Variants in TCF4 observed in about 807,000 individuals in gnomAD.
TCF4 encodes the protein SL3-3 enhancer factor 2.
TCF4 carries 3 observed loss-of-function variants against 82.1 expected under a neutral mutation model. The ratio of observed to expected loss-of-function variants is 0.04; its 90% confidence interval spans 0.02 to 0.09. The LOEUF (loss-of-function observed/expected upper bound fraction) is 0.09. TCF4 is among the 10% of genes least tolerant of loss of function. TCF4 has a pLI of 1.00. For synonymous variants in TCF4, 276 were observed against 309.6 expected, an observed-to-expected ratio of 0.89 and a Z score of 1.14; for missense variants, 518 against 852.7, an observed-to-expected ratio of 0.61 and a Z score of 4.89.
intron 3 of TCF4, among the ~76,000 whole-genome samples, chr18:55,481,542 A>T (rs993806967): frequency 6.6e-6 from 1 of 152,238 alleles, no homozygotes; most frequent in Non-Finnish European, 1.5e-5. Context: ...GATGCTTACA[A>T]AAGTGAAGAA....
intron 3 of TCF4, among the ~76,000 whole-genome samples, chr18:55,541,084 G>A (rs914929657): frequency 3.3e-5 from 5 of 151,924 alleles, no homozygotes; most frequent in African/African-American, 9.7e-5. Context: ...TACCATGTAC[G>A]TAATAATGAC....
chr18:55,621,519 T>TATAATGTACATTATATA (rs1568500358), intron 2 of TCF4, among the ~76,000 whole-genome samples: 120 of 458 alleles, frequency 0.26, 12 homozygotes, highest in African/African-American at 0.36. Flanking sequence ...ATATATTATA[T>TATAATGTACATTATATA]AATATTATAT....
At chr18:55,275,898 A>G in intron 9 of TCF4, 146 bp from the exon 10 acceptor site, 5 of 1,020,168 alleles carry the variant, frequency 4.9e-6, no homozygotes, top group Non-Finnish European at 7.5e-6. Flanking sequence ...GACAGTCATC[A>G]TTTCTTCCCA....
chr18:55,370,119 C>T (rs1304289291), intron 6 of TCF4, among the ~76,000 whole-genome samples: 11 of 152,164 alleles, frequency 7.2e-5, no homozygotes, highest in Admixed American at 6.5e-4. Flanking sequence ...AAGAGAAGGC[C>T]GGGCGCAATG....
At chr18:55,508,684 C>A (rs2096791542) in intron 3 of TCF4, among the ~76,000 whole-genome samples, 1 of 152,108 alleles carries the variant, frequency 6.6e-6, no homozygotes, top group African/African-American at 2.4e-5. Flanking sequence ...TGCTTTCCAG[C>A]CCACCCTTCC....
chr18:55,460,089 A>G (rs1211135212), intron 5 of TCF4, among the ~76,000 whole-genome samples: 5 of 152,176 alleles, frequency 3.3e-5, no homozygotes, highest in African/African-American at 9.6e-5. Flanking sequence ...ATTTGCAGTT[A>G]TGGTCTCAGA....
chr18:55,403,793 G>T lies in TCF4; in HGVS notation c.305-275C>A, dbSNP rs761880885. On this transcript the variant is annotated intron_variant, in intron 5 of 19. Transcript: ENST00000354452. ...CTCCACTTTCTCTAACAAACAAATCGTAACTCCTTATTTTCACTTTCTCTT... is the reference window on the plus strand; with the variant it reads ...CTCCACTTTCTCTAACAAACAAATCTTAACTCCTTATTTTCACTTTCTCTT... 4 of 1,513,988 alleles carry T rather than the reference G, an allele frequency of 2.6e-6. No homozygotes were observed. The African/African-American group carries it at 4.2e-5, about 16-fold the overall frequency. 93.8% of individuals were successfully genotyped at this position (1,513,988 alleles called of 1,614,324 possible).
intron 2 of TCF4, among the ~76,000 whole-genome samples, chr18:55,609,328 A>G (rs1332704093): frequency 2.0e-5 from 3 of 152,168 alleles, no homozygotes; most frequent in Non-Finnish European, 2.9e-5. Flanking sequence ...TACGGGGGGC[A>G]GGTTTTTCAT....
At position 55,414,705 on chromosome 18, in the gene TCF4, C is replaced by T. The variant is rs952987918; in HGVS notation, c.305-11187G>A. ...CAATGGTAGAGAGGCTGACACTCTTCCTCTGTAACTGCCCTTGTATAGTTT... is the reference window on the plus strand; with the variant it reads ...CAATGGTAGAGAGGCTGACACTCTTTCTCTGTAACTGCCCTTGTATAGTTT... On this transcript the variant is annotated intron_variant, in intron 5 of 19. Coordinates refer to ENST00000354452, the MANE Select transcript of TCF4 (RefSeq NM_001083962.2). Among the ~76,000 whole-genome samples the T allele has an allele frequency of 5.9e-5, 9 of 152,166 alleles. No homozygotes were observed. The South Asian group carries it at 1.7e-3, about 28-fold the overall frequency.
intron 8 of TCF4, among the ~76,000 whole-genome samples, chr18:55,340,973 A>G (rs1216263551): frequency 6.6e-6 from 1 of 152,202 alleles, no homozygotes; most frequent in African/African-American, 2.4e-5. Context: ...TTGTTTACAC[A>G]GATGCTCCCC....
At chr18:55,403,885 C>T (rs546712814) in intron 5 of TCF4, 1 of 1,441,154 alleles carries the variant, frequency 6.9e-7, no homozygotes, top group African/African-American at 1.4e-5. Context: ...ATGACCCTAG[C>T]CTAGTAATTC....
intron 5 of TCF4, among the ~76,000 whole-genome samples, chr18:55,425,432 G>T (rs1603459292): frequency 6.8e-6 from 1 of 147,890 alleles, no homozygotes; most frequent in African/African-American, 2.5e-5. Flanking sequence ...TTTAAGTATT[G>T]AATGAATCTT....
chr18:55,338,047 C>A (rs901998542), intron 8 of TCF4, among the ~76,000 whole-genome samples: 1 of 152,042 alleles, frequency 6.6e-6, no homozygotes, highest in Non-Finnish European at 1.5e-5. Context: ...TCGCTGCTGC[C>A]AAGTGACACA....
chr18:55,453,266 A>C (rs1198881794), intron 5 of TCF4, among the ~76,000 whole-genome samples: 1 of 152,160 alleles, frequency 6.6e-6, no homozygotes, highest in Non-Finnish European at 1.5e-5. Context: ...AATGAGGGGA[A>C]GGACAAAAGA....
intron 5 of TCF4, among the ~76,000 whole-genome samples, chr18:55,457,993 A>G (rs774857296): frequency 6.6e-6 from 1 of 152,232 alleles, no homozygotes; most frequent in Admixed American, 6.5e-5. Flanking sequence ...TCTCAAAAGG[A>G]AAGAGTAGTC....
At chr18:55,449,098 C>G (rs1261694009) in intron 5 of TCF4, among the ~76,000 whole-genome samples, 8 of 152,166 alleles carry the variant, frequency 5.3e-5, no homozygotes, top group Admixed American at 5.2e-4. Context: ...GGCCACATCT[C>G]CATGAGTTAG....
At chr18:55,362,436 A>AGGAAGGAAAGAAG (rs1482551366) in intron 6 of TCF4, among the ~76,000 whole-genome samples, 2 of 131,004 alleles carry the variant, frequency 1.5e-5, no homozygotes, top group African/African-American at 5.8e-5. Flanking sequence ...GAAGGAAGGA[A>AGGAAGGAAAGAAG]AAAAAAAAAG....
At chr18:55,436,671 C>T (rs2095336556) in intron 5 of TCF4, among the ~76,000 whole-genome samples, 1 of 152,196 alleles carries the variant, frequency 6.6e-6, no homozygotes, top group African/African-American at 2.4e-5. Flanking sequence ...TATGAAATTG[C>T]AGTGCTGAGC....
At chr18:55,409,184 C>T (rs2094231944) in intron 5 of TCF4, among the ~76,000 whole-genome samples, 1 of 152,132 alleles carries the variant, frequency 6.6e-6, no homozygotes, top group Admixed American at 6.6e-5. Context: ...TAATACAGGA[C>T]AACCCAGCAT....
Sources: gnomAD v4.1 joint callset for allele counts (sites outside exome capture counted in the v4.1 genomes callset) on GRCh38, gnomAD v4.1.1 for gene constraint, MANE v1.5 for transcripts, NCBI Gene and HGNC (gene_info 2026-07-23, HGNC 2026-07-21) for gene names.